Variants in KLF12 observed in about 807,000 individuals in gnomAD.
KLF12 encodes the protein KLF transcription factor 12.
KLF12 carries 9 observed loss-of-function variants against 37.8 expected under a neutral mutation model. That is an observed-to-expected ratio of 0.24 (90% CI 0.14 to 0.42). The LOEUF (loss-of-function observed/expected upper bound fraction) is 0.42, where lower values mean the gene tolerates loss of function less well. Ranked by LOEUF, KLF12 falls within the 10% of genes least tolerant of loss-of-function variation. The probability of loss-of-function intolerance (pLI) is 1.00; values close to 1 mark genes in which losing one functional copy is unlikely to be tolerated. For synonymous variants in KLF12, 208 were observed against 202.1 expected (o/e 1.03, Z -0.25); for missense variants, 411 against 516.0 (o/e 0.80, Z 1.97).
rs182468868 is a variant in KLF12, at chr13:74,065,918, G to C, written c.-32+67821C>G. Among the ~76,000 whole-genome samples the C allele has an allele frequency of 1.8e-3, 270 of 152,110 alleles. 3 individuals are homozygous for C. The highest frequency in any genetic ancestry group is 1.1e-3 in the Non-Finnish European group (72 of 68,002). On this transcript the variant is annotated intron_variant, in intron 1 of 7. Transcript: ENST00000377669. ...TTATGAAGAAGGGGAGCAAGCAGTA[G>C]ACAGAGATGGAGAAGACTCTTCAGG...
At chr13:74,257,849 T>A in the KLF12 span, 1 of 152,200 alleles carries the variant, frequency 6.6e-6, no homozygotes, top group Admixed American at 6.5e-5. Context: ...TTCCCTTTTT[T>A]ATTTTCATTT....
intron 3 of KLF12, among the ~76,000 whole-genome samples, chr13:73,878,943 C>T (rs2138933165): frequency 6.6e-6 from 1 of 152,156 alleles, no homozygotes; most frequent in East Asian, 1.9e-4. Flanking sequence ...GAGGAGATGA[C>T]AGGATTTTGA....
intron 3 of KLF12, among the ~76,000 whole-genome samples, chr13:73,898,435 C>T (rs1050708187): frequency 3.9e-5 from 6 of 152,210 alleles, no homozygotes; most frequent in African/African-American, 1.4e-4. Flanking sequence ...GAGATAACCA[C>T]TTCCTATTTA....
chr13:73,717,047 T>A (rs1257269622), intron 6 of KLF12, among the ~76,000 whole-genome samples: 1 of 152,244 alleles, frequency 6.6e-6, no homozygotes, highest in Non-Finnish European at 1.5e-5. Context: ...GTAAATATTT[T>A]ATTTCAACAC....
intron 1 of KLF12, among the ~76,000 whole-genome samples, chr13:74,120,578 A>T (rs931822906): frequency 1.3e-5 from 2 of 151,886 alleles, no homozygotes; most frequent in Admixed American, 6.6e-5. Context: ...ATAAAGAAAT[A>T]AAAAAAACCC....
intron 5 of KLF12, among the ~76,000 whole-genome samples, chr13:73,776,198 G>A (rs1222066807): frequency 6.6e-6 from 1 of 152,148 alleles, no homozygotes; most frequent in African/African-American, 2.4e-5. Context: ...TTTTCTTTAA[G>A]TGGACACCAA....
At chr13:74,139,365 T>G in the KLF12 span, among the ~76,000 whole-genome samples, 1 of 152,230 alleles carries the variant, frequency 6.6e-6, no homozygotes, top group Non-Finnish European at 1.5e-5. Flanking sequence ...AGTAGGTGAT[T>G]AATGAATGCT....
intron 1 of KLF12, among the ~76,000 whole-genome samples, chr13:74,034,514 T>C (rs1354232832): frequency 1.3e-5 from 2 of 152,254 alleles, no homozygotes; most frequent in African/African-American, 4.8e-5. Flanking sequence ...TACCACTTTA[T>C]AGTTCGCCAT....
intron 6 of KLF12, among the ~76,000 whole-genome samples, chr13:73,721,835 G>A (rs2137732751): frequency 6.6e-6 from 1 of 152,072 alleles, no homozygotes; most frequent in South Asian, 2.1e-4. Flanking sequence ...ATAGGTATGA[G>A]ACACTATGCC....
chr13:74,025,470 C>T (rs187861534), intron 1 of KLF12, among the ~76,000 whole-genome samples: 14 of 151,988 alleles, frequency 9.2e-5, no homozygotes, highest in African/African-American at 1.7e-4. Context: ...ACTGCTATAG[C>T]TTCAAGGTCA....
At chr13:73,858,486 G>A (rs897042573) in intron 3 of KLF12, among the ~76,000 whole-genome samples, 7 of 152,250 alleles carry the variant, frequency 4.6e-5, no homozygotes, top group East Asian at 3.9e-4. Flanking sequence ...CTGCATTACC[G>A]GGTGATTTAC....
intron 3 of KLF12, among the ~76,000 whole-genome samples, chr13:73,856,101 A>C (rs1335484534): frequency 6.6e-6 from 1 of 152,190 alleles, no homozygotes; most frequent in African/African-American, 2.4e-5. Context: ...TCAAGCCCCC[A>C]TTGCCTAGAC....
In KLF12 at chr13:74,100,733, G is replaced by A. The variant is rs150344743; in HGVS notation, c.-32+33006C>T. Among the ~76,000 whole-genome samples the A allele has an allele frequency of 2.9e-3, 438 of 152,166 alleles. 4 individuals carry two copies. Among genetic ancestry groups the A allele is most frequent in the Middle Eastern group, 0.017 (5 of 294 alleles). ...ATTTATGGAGTGTGTACATAAAAAT[G>A]TATGTGTACATGCCATTGAATCATT... On this transcript the variant is annotated intron_variant, in intron 1 of 7. Coordinates refer to ENST00000377669, the MANE Select transcript of KLF12 (RefSeq NM_007249.5).
At chr13:73,726,923 C>T (rs1003313050) in intron 6 of KLF12, among the ~76,000 whole-genome samples, 4 of 152,138 alleles carry the variant, frequency 2.6e-5, no homozygotes, top group African/African-American at 9.7e-5. Context: ...GAGAAAGATC[C>T]AATTTTTCCA....
At chr13:73,787,688 T>A in intron 5 of KLF12, among the ~76,000 whole-genome samples, 1 of 152,202 alleles carries the variant, frequency 6.6e-6, no homozygotes, top group South Asian at 2.1e-4. Flanking sequence ...CTCAAGCATT[T>A]GGCTCCACAG....
chr13:74,253,762 G>C, the KLF12 span, among the ~76,000 whole-genome samples: 6 of 152,068 alleles, frequency 3.9e-5, no homozygotes, highest in African/African-American at 4.8e-5. Context: ...TGAACTATCT[G>C]TACTACCACC....
chr13:73,793,457 T>C (rs575946041), intron 5 of KLF12, among the ~76,000 whole-genome samples: 44 of 152,354 alleles, frequency 2.9e-4, no homozygotes, highest in African/African-American at 9.9e-4. Context: ...AAAAAGCACA[T>C]TGAGGCTAAT....
the KLF12 span, among the ~76,000 whole-genome samples, chr13:74,219,552 A>G: frequency 1.3e-5 from 2 of 152,230 alleles, no homozygotes; most frequent in Non-Finnish European, 2.9e-5. Context: ...CTAAGATTGG[A>G]GTTACAGGAA....
chr13:74,260,828 GAA>G, the KLF12 span, among the ~76,000 whole-genome samples: 1 of 151,908 alleles, frequency 6.6e-6, no homozygotes, highest in African/African-American at 2.4e-5. Flanking sequence ...AACATACAAA[GAA>G]AAACAAATTG....
Sources: allele counts gnomAD v4.1 joint callset (sites outside exome capture counted in the v4.1 genomes callset), GRCh38; gene constraint gnomAD v4.1.1; transcripts MANE v1.5; gene names NCBI Gene and HGNC (gene_info 2026-07-23, HGNC 2026-07-21).